The following OR5A1 variants were observed in gnomAD, a reference collection of about 807,000 sequenced individuals.
The protein encoded by OR5A1 is olfactory receptor 5A1.
A neutral mutation model predicts 6.7 loss-of-function variants in OR5A1; 6 were observed. That is an observed-to-expected ratio of 0.89 (90% CI 0.49 to 1.76). The LOEUF (loss-of-function observed/expected upper bound fraction) is 1.76, where lower values mean the gene tolerates loss of function less well. OR5A1 is among the 40% of genes most tolerant of loss of function. The pLI is 0.01. For synonymous variants in OR5A1, 170 were observed against 155.0 expected (o/e 1.10, Z -0.72); for missense variants, 378 against 381.7 (o/e 0.99, Z 0.08).
rs78766309 is a variant in OR5A1 at position 59,443,364 on chromosome 11, C to T, written c.196C>T (p.Leu66=). ...THLHTPMYFF[L]SNLSFIDICY... ...TCTGCACACACCCATGTACTTCTTC[C>T]TAAGCAACTTATCTTTCATTGACAT... is the stretch of plus-strand genomic sequence containing the variant. The change falls in exon 2 of 2, where the codon CTA becomes TTA. Residue 66 remains leucine, a synonymous_variant. Coordinates refer to ENST00000641045, the MANE Select transcript of OR5A1 (RefSeq NM_001004728.2). 2,621 of 1,613,870 alleles carry T rather than the reference C, an allele frequency of 1.6e-3. 49 individuals carry two copies. The African/African-American group carries it at 0.03, about 18-fold the overall frequency.
chr11:59,437,236 G>GT (rs1241822130), intron 1 of OR5A1, among the ~76,000 whole-genome samples: 1 of 152,072 alleles, frequency 6.6e-6, no homozygotes, highest in East Asian at 1.9e-4. Context: ...TGTGTATTCC[G>GT]TGGGTTTGGG....
chr11:59,444,547 A>G lies in OR5A1; in HGVS notation c.*431A>G, dbSNP rs1403330. 94,082 of 155,118 alleles carry G rather than the reference A, an allele frequency of 0.61. 29,511 individuals carry two copies. The highest frequency in any genetic ancestry group is 0.75 in the South Asian group (3,771 of 5,060). 9.6% of individuals were successfully genotyped at this position (155,118 alleles called of 1,614,324 possible). A position where few individuals can be genotyped will look rare whatever the true frequency, so the allele number is the denominator to read the frequency against. ...CTCAGGGTCACCAAGGAAGAGGCAG[A>G]ACTCTCATTCACACCAAGGTCTTCC... On this transcript the variant is annotated 3_prime_UTR_variant, in exon 2 of 2. Coordinates refer to ENST00000641045, the MANE Select transcript of OR5A1 (RefSeq NM_001004728.2).
At position 59,446,951 on chromosome 11, in the gene OR5A1, C is replaced by T. The variant is rs549772760; in HGVS notation, c.*2835C>T. On this transcript the variant is annotated 3_prime_UTR_variant, in exon 2 of 2. Coordinates refer to ENST00000641045, the MANE Select transcript of OR5A1 (RefSeq NM_001004728.2). The stretch of plus-strand genomic sequence containing the variant: ...TCTCAGGTTTCCTGGGTTCTTCATC[C>T]TCTAAATTCATTCCCATCCACGGCC... 7.2e-5 allele frequency: 11 copies of T among 152,294 alleles called. No individual in the cohort carries two copies. The highest frequency in any genetic ancestry group is 2.4e-4 in the African/African-American group (10 of 41,554). 9.4% of individuals were successfully genotyped at this position (152,294 alleles called of 1,614,324 possible). A position where few individuals can be genotyped will look rare whatever the true frequency, so the allele number is the denominator to read the frequency against.
Position 59,443,105 on chromosome 11 carries a change from C to T in OR5A1, c.-33-31C>T, listed in dbSNP as rs182887767. 5.2e-5 allele frequency: 65 copies of T among 1,257,230 alleles called. No individual in the cohort carries two copies. The Admixed American group carries it at 1.1e-3, about 22-fold the overall frequency. The allele number at this position is 1,257,230 out of a possible 1,614,324, so 77.9% of individuals were successfully genotyped here. A position where few individuals can be genotyped will look rare whatever the true frequency, so the allele number is the denominator to read the frequency against. On this transcript the variant is annotated intron_variant, in intron 1 of 1. Coordinates refer to ENST00000641045, the MANE Select transcript of OR5A1 (RefSeq NM_001004728.2). ...ATTTTGTAGTTATTTGCTAATACCA[C>T]CTATAATGTGGACTGTCATTACTAT...
At position 59,446,179 on chromosome 11, in the gene OR5A1, G is replaced by C. The variant is rs571082166; in HGVS notation, c.*2063G>C. Reference sequence around the variant, plus strand: ...TTTTTGTATAAAGTTTAAGGAACTGGTCCATTTTCAATTTTCTGTATATGG... The same window carrying C: ...TTTTTGTATAAAGTTTAAGGAACTGCTCCATTTTCAATTTTCTGTATATGG... On this transcript the variant is annotated 3_prime_UTR_variant, in exon 2 of 2. Transcript: ENST00000641045. The C allele has an allele frequency of 1.2e-4, 18 of 152,170 alleles. No homozygotes were observed. The highest frequency in any genetic ancestry group is 4.3e-4 in the African/African-American group (18 of 41,512). 9.4% of individuals were successfully genotyped at this position (152,170 alleles called of 1,614,324 possible).
rs774227701 is a variant in OR5A1 at position 59,443,256 on chromosome 11, C to T, written c.88C>T (p.Leu30Phe). Residue 30 changes from leucine to phenylalanine, a missense_variant, in exon 2 of 2, where the codon CTC (leucine) becomes TTC (phenylalanine). By Grantham distance (22) the Leu-to-Phe change is conservative. Transcript: ENST00000641045. The part of the protein sequence containing the change: ...FTDHPELQAL[L>F]FVTFLGIYLT... ...AGACCATCCAGAACTCCAGGCCCTC[C>T]TCTTTGTGACCTTCCTGGGCATCTA... 6.2e-7 allele frequency: 1 copy of T among 1,614,018 alleles called. No homozygotes were observed. Among genetic ancestry groups the T allele is most frequent in the Admixed American group, 1.7e-5 (1 of 60,018 alleles).
chr11:59,447,762 GC>G lies in OR5A1; in HGVS notation c.*3650del, dbSNP rs1413707356. On this transcript the variant is annotated 3_prime_UTR_variant, in exon 2 of 2. Coordinates refer to ENST00000641045, the MANE Select transcript of OR5A1 (RefSeq NM_001004728.2). ...ATGGCTTTGATCTGGTCCTGTGGCT[GC>G]CCCACAGTGTACACCAGAATTAGAC... 15 of 152,320 alleles carry G rather than the reference GC, an allele frequency of 9.8e-5. No individual in the cohort carries two copies. The highest frequency in any genetic ancestry group is 1.3e-4 in the Admixed American group (2 of 15,306). 9.4% of individuals were successfully genotyped at this position (152,320 alleles called of 1,614,324 possible). A position where few individuals can be genotyped will look rare whatever the true frequency, so the allele number is the denominator to read the frequency against.
intron 1 of OR5A1, 65 bp from the exon 2 acceptor site, chr11:59,443,071 C>T (rs1858498486): frequency 1.2e-6 from 1 of 842,120 alleles, no homozygotes; most frequent in African/African-American, 1.7e-5. Flanking sequence ...TCTGCCCTCC[C>T]TCTCAGGCAT....
At chr11:59,439,623 T>C (rs1209128486) in intron 1 of OR5A1, among the ~76,000 whole-genome samples, 1 of 152,212 alleles carries the variant, frequency 6.6e-6, no homozygotes, top group Non-Finnish European at 1.5e-5. Context: ...GGCATCCATA[T>C]GTGGGAAAAA....
At position 59,443,544 on chromosome 11, in the gene OR5A1, T is replaced by C. The variant is rs1287689917; in HGVS notation, c.376T>C (p.Tyr126His). 6.2e-7 allele frequency: 1 copy of C among 1,613,948 alleles called. No homozygotes were observed. Residue 126 changes from tyrosine to histidine, a missense_variant, in exon 2 of 2, where the codon TAT becomes CAT. Physicochemically the swap from Tyr to His is moderately conservative, Grantham distance 83. Transcript: ENST00000641045. ...LLLTAMAYDR[Y>H]AAISSPLLYP... ...CCTGACTGCTATGGCATACGACCGA[T>C]ATGCAGCCATCTCCAGCCCCCTTCT...
At chr11:59,439,074 C>G (rs72923326) in intron 1 of OR5A1, among the ~76,000 whole-genome samples, 1 of 152,146 alleles carries the variant, frequency 6.6e-6, no homozygotes, top group Non-Finnish European at 1.5e-5. Context: ...TCCAACTCCA[C>G]AATTTGGCTG....
chr11:59,439,582 C>G (rs1858459740), intron 1 of OR5A1, among the ~76,000 whole-genome samples: 1 of 152,142 alleles, frequency 6.6e-6, no homozygotes, highest in Admixed American at 6.5e-5. Context: ...CTTAAGATAC[C>G]TTCTCTCTAA....
In OR5A1 at chr11:59,448,220, C is replaced by G. The variant is rs1189514949; in HGVS notation, c.*4104C>G. On this transcript the variant is annotated 3_prime_UTR_variant, in exon 2 of 2. Transcript: ENST00000641045. ...AAAGGACTGAGTGAAGGAGGAGGCA[C>G]AAAACCTGCATGCCATTTCAGCGTA... 1 of 152,178 alleles carries G rather than the reference C, an allele frequency of 6.6e-6. No homozygotes were observed. Among genetic ancestry groups the G allele is most frequent in the Non-Finnish European group, 1.5e-5 (1 of 68,048 alleles). 9.4% of individuals were successfully genotyped at this position (152,178 alleles called of 1,614,324 possible). A position where few individuals can be genotyped will look rare whatever the true frequency, so the allele number is the denominator to read the frequency against.
At chr11:59,441,633 C>G (rs1858481173) in intron 1 of OR5A1, among the ~76,000 whole-genome samples, 1 of 152,160 alleles carries the variant, frequency 6.6e-6, no homozygotes, top group African/African-American at 2.4e-5. Context: ...GACTACAGTT[C>G]TCTTCTGATT....
intron 1 of OR5A1, among the ~76,000 whole-genome samples, chr11:59,442,626 G>A (rs1412611019): frequency 5.9e-5 from 9 of 152,016 alleles, no homozygotes; most frequent in Admixed American, 3.9e-4. Flanking sequence ...CTGATTAATC[G>A]TTTCACAACT....
Position 59,450,035 on chromosome 11 carries a change from A to G in OR5A1, c.*5919A>G, listed in dbSNP as rs778588935. 7 of 152,212 alleles carry G rather than the reference A, an allele frequency of 4.6e-5. No homozygotes were observed. Among genetic ancestry groups the G allele is most frequent in the Non-Finnish European group, 8.8e-5 (6 of 68,030 alleles). 9.4% of individuals were successfully genotyped at this position (152,212 alleles called of 1,614,324 possible). A position where few individuals can be genotyped will look rare whatever the true frequency, so the allele number is the denominator to read the frequency against. On this transcript the variant is annotated 3_prime_UTR_variant, in exon 2 of 2. Coordinates refer to ENST00000641045, the MANE Select transcript of OR5A1 (RefSeq NM_001004728.2). The stretch of plus-strand genomic sequence containing the variant: ...CAAGCAAGCCTCACTATGCAAAGTA[A>G]GGTGTATGTTCCCCATTTCATGGAA...
In OR5A1 at chr11:59,450,286, G is replaced by C. The variant is rs948441388; in HGVS notation, c.*6170G>C. The C allele has an allele frequency of 6.6e-6, 1 of 152,152 alleles. No individual in the cohort carries two copies. Among genetic ancestry groups the C allele is most frequent in the Non-Finnish European group, 1.5e-5 (1 of 68,022 alleles). The allele number at this position is 152,152 out of a possible 1,614,324, so 9.4% of individuals were successfully genotyped here. ...AGGTGATTGACCAGAAGAGTAGGTGGAATAATGTTAATCTGAAAGAGAAGT... is the reference window on the plus strand; with the variant it reads ...AGGTGATTGACCAGAAGAGTAGGTGCAATAATGTTAATCTGAAAGAGAAGT... On this transcript the variant is annotated 3_prime_UTR_variant, in exon 2 of 2. Coordinates refer to ENST00000641045, the MANE Select transcript of OR5A1 (RefSeq NM_001004728.2).
chr11:59,450,259 T>C lies in OR5A1; in HGVS notation c.*6143T>C, dbSNP rs1391072472. ...TTGAGCCTGATAGTCCAGAACCTTCTAAGGTGATTGACCAGAAGAGTAGGT... is the reference window on the plus strand; with the variant it reads ...TTGAGCCTGATAGTCCAGAACCTTCCAAGGTGATTGACCAGAAGAGTAGGT... On this transcript the variant is annotated 3_prime_UTR_variant, in exon 2 of 2. Transcript: ENST00000641045. The C allele has an allele frequency of 6.6e-6, 1 of 152,198 alleles. No individual in the cohort carries two copies. Among genetic ancestry groups the C allele is most frequent in the Non-Finnish European group, 1.5e-5 (1 of 68,024 alleles). The allele number at this position is 152,198 out of a possible 1,614,324, so 9.4% of individuals were successfully genotyped here.
chr11:59,443,875 G>A lies in OR5A1; in HGVS notation c.707G>A (p.Gly236Asp), dbSNP rs749664516. 1.2e-6 allele frequency: 2 copies of A among 1,613,978 alleles called. No homozygotes were observed. The highest frequency in any genetic ancestry group is 1.7e-6 in the Non-Finnish European group (2 of 1,180,010). The change falls in exon 2 of 2, where the codon GGC (glycine) becomes GAC (aspartate). Residue 236 changes from glycine to aspartate, a missense_variant. Coordinates refer to ENST00000641045, the MANE Select transcript of OR5A1 (RefSeq NM_001004728.2). ...SAVLKIPSAE[G>D]RWKACNTCAS... Reference sequence around the variant, plus strand: ...GTCCTGAAGATCCCTTCAGCAGAGGGCCGATGGAAAGCCTGCAACACGTGT... The same window carrying A: ...GTCCTGAAGATCCCTTCAGCAGAGGACCGATGGAAAGCCTGCAACACGTGT...
Sources: allele counts gnomAD v4.1 joint callset (sites outside exome capture counted in the v4.1 genomes callset), GRCh38; gene constraint gnomAD v4.1.1; transcripts MANE v1.5; gene names NCBI Gene and HGNC (gene_info 2026-07-23, HGNC 2026-07-21).